FREM1: variants seen among roughly 807,000 people sequenced by gnomAD.
FREM1 encodes the protein FRAS1-related extracellular matrix protein 1.
FREM1 carries 220 observed loss-of-function variants against 210.1 expected under a neutral mutation model. The ratio of observed to expected loss-of-function variants is 1.05; its 90% CI spans 0.94 to 1.17. The LOEUF (loss-of-function observed/expected upper bound fraction) is 1.17, where lower values mean the gene tolerates loss of function less well. Among genes scored for constraint, FREM1 ranks in the 50% most tolerant of loss-of-function variants. FREM1 has a pLI of 0.00. For synonymous variants in FREM1, 1,189 were observed against 980.2 expected (o/e 1.21, Z -3.98); for missense variants, 3,454 against 2,675.5 (o/e 1.29, Z -6.42).
At chr9:14,775,311 T>G (rs1006028709) in intron 25 of FREM1, among the ~76,000 whole-genome samples, 12 of 152,192 alleles carry the variant, frequency 7.9e-5, no homozygotes, top group African/African-American at 2.9e-4. Flanking sequence ...GGTCAGTCAT[T>G]AGCACCTATG....
Position 14,851,479 on chromosome 9 carries a change from A to T in FREM1, c.957T>A (p.Val319=). 1 of 1,613,982 alleles carries T rather than the reference A, an allele frequency of 6.2e-7. No homozygotes were observed. Among genetic ancestry groups the T allele is most frequent in the Admixed American group, 1.7e-5 (1 of 60,024 alleles). The part of the protein sequence containing the change: ...QFILTSLTTS[V]LDCEEDETPK... ...GGGTCTCATCTTCTTCACAGTCCAGAACTGATGTAGTCAAGGAGGTCAGGA... is the reference window on the plus strand; with the variant it reads ...GGGTCTCATCTTCTTCACAGTCCAGTACTGATGTAGTCAAGGAGGTCAGGA... Residue 319 remains valine, a synonymous_variant, in exon 6 of 37, where the codon GTT becomes GTA. Coordinates refer to ENST00000380880, the MANE Select transcript of FREM1 (RefSeq NM_001379081.2).
intron 1 of FREM1, among the ~76,000 whole-genome samples, chr9:14,870,200 C>G (rs1158923690): frequency 6.6e-6 from 1 of 152,198 alleles, no homozygotes; most frequent in Non-Finnish European, 1.5e-5. Context: ...GAATGTTTGT[C>G]AGAAGGTTGT....
Position 14,846,064 on chromosome 9 carries a change from C to G in FREM1, c.1289G>C (p.Arg430Pro). The part of the protein sequence containing the change: ...TGLSLLEGQS[R>P]AITWEQFQVV... ...CTGAAACTGTTCCCAAGTGATGGCTCGAGACTGCCCCTCAAGGAGACTCAG... is the reference window on the plus strand; with the variant it reads ...CTGAAACTGTTCCCAAGTGATGGCTGGAGACTGCCCCTCAAGGAGACTCAG... Residue 430 changes from arginine (R) to proline (P), a missense_variant, in exon 8 of 37, where the codon CGA (arginine) becomes CCA (proline). Coordinates refer to ENST00000380880, the MANE Select transcript of FREM1 (RefSeq NM_001379081.2). The G allele has an allele frequency of 1.3e-6, 2 of 1,591,408 alleles. No individual in the cohort carries two copies. Among genetic ancestry groups the G allele is most frequent in the South Asian group, 1.1e-5 (1 of 87,924 alleles).
At chr9:14,790,479 A>G (rs910332035) in intron 22 of FREM1, among the ~76,000 whole-genome samples, 2 of 152,136 alleles carry the variant, frequency 1.3e-5, no homozygotes, top group East Asian at 1.9e-4. Flanking sequence ...TAAACGGGAA[A>G]GCCTGCAATT....
intron 14 of FREM1, among the ~76,000 whole-genome samples, chr9:14,818,721 G>C (rs1820752393): frequency 6.6e-6 from 1 of 152,192 alleles, no homozygotes; most frequent in Non-Finnish European, 1.5e-5. Flanking sequence ...GGAGACTCAA[G>C]TATTAGTTTA....
chr9:14,781,311 A>T (rs918664108), intron 24 of FREM1, among the ~76,000 whole-genome samples: 1 of 152,206 alleles, frequency 6.6e-6, no homozygotes, highest in Non-Finnish European at 1.5e-5. Flanking sequence ...TAGCTTTCCT[A>T]TGTGTAAATA....
intron 27 of FREM1, among the ~76,000 whole-genome samples, chr9:14,760,239 T>C (rs1269075332): frequency 2.0e-5 from 3 of 152,164 alleles, no homozygotes. Flanking sequence ...GAACCAGCAG[T>C]TGTTAAGTTC....
At chr9:14,831,658 T>C (rs1823577764) in intron 10 of FREM1, among the ~76,000 whole-genome samples, 1 of 152,274 alleles carries the variant, frequency 6.6e-6, no homozygotes, top group Non-Finnish European at 1.5e-5. Flanking sequence ...AATAGCAGGA[T>C]ACAGAGTTCA....
chr9:14,759,418 G>C (rs1045564341), intron 28 of FREM1, among the ~76,000 whole-genome samples: 8 of 150,560 alleles, frequency 5.3e-5, no homozygotes, highest in African/African-American at 1.5e-4. Flanking sequence ...CCTGAGGCAG[G>C]AGAATCACTT....
intron 10 of FREM1, among the ~76,000 whole-genome samples, chr9:14,835,776 T>A (rs1824455378): frequency 6.6e-6 from 1 of 152,238 alleles, no homozygotes; most frequent in South Asian, 2.1e-4. Flanking sequence ...ATGCAAATAA[T>A]CAGGCCAACT....
At chr9:14,762,141 C>A (rs772423145) in intron 27 of FREM1, among the ~76,000 whole-genome samples, 2 of 151,222 alleles carry the variant, frequency 1.3e-5, no homozygotes, top group East Asian at 3.9e-4. Context: ...ATCATAAATG[C>A]CAATAGAAAT....
chr9:14,792,945 C>CTTATATTG (rs1226249433), intron 21 of FREM1, 61 bp from the exon 22 acceptor site: 35 of 1,079,088 alleles, frequency 3.2e-5, no homozygotes, highest in Non-Finnish European at 4.5e-5. Context: ...TAGTAGGGGA[C>CTTATATTG]ACTTATATTG....
chr9:14,764,540 A>C (rs1846055227), intron 27 of FREM1, among the ~76,000 whole-genome samples: 1 of 152,190 alleles, frequency 6.6e-6, no homozygotes, highest in Non-Finnish European at 1.5e-5. Flanking sequence ...CTTAAAACAT[A>C]TGTATGCTAT....
chr9:14,806,921 G>C, intron 17 of FREM1, 75 bp from the exon 18 acceptor site: 1 of 864,844 alleles, frequency 1.2e-6, no homozygotes, highest in Admixed American at 3.2e-5. Flanking sequence ...AAAATGCAGT[G>C]ACTGAAATTC....
chr9:14,878,227 C>A (rs568982444), intron 1 of FREM1, among the ~76,000 whole-genome samples: 1 of 152,254 alleles, frequency 6.6e-6, no homozygotes, highest in African/African-American at 2.4e-5. Flanking sequence ...TCCCTCTTCT[C>A]TCTCTCAGCT....
intron 1 of FREM1, among the ~76,000 whole-genome samples, chr9:14,887,115 G>A (rs948580588): frequency 3.3e-5 from 5 of 152,080 alleles, no homozygotes; most frequent in African/African-American, 9.7e-5. Flanking sequence ...AAGGGGCAAT[G>A]AACTGGAAAT....
chr9:14,768,826 G>C (rs1846967931), intron 27 of FREM1, among the ~76,000 whole-genome samples: 1 of 152,186 alleles, frequency 6.6e-6, no homozygotes, highest in Non-Finnish European at 1.5e-5. Flanking sequence ...CATAAAAGGA[G>C]TATAACAGAG....
intron 15 of FREM1, among the ~76,000 whole-genome samples, chr9:14,814,704 C>G (rs574711535): frequency 5.8e-4 from 89 of 152,168 alleles, no homozygotes; most frequent in Non-Finnish European, 1.0e-3. Flanking sequence ...TGATGACCAT[C>G]TTGCAGCCGT....
rs1825697515 is a variant in FREM1, at chr9:14,841,542, T to C, written c.1786A>G (p.Ile596Val). 1 of 1,612,586 alleles carries C rather than the reference T, an allele frequency of 6.2e-7. No homozygotes were observed. Among genetic ancestry groups the C allele is most frequent in the Non-Finnish European group, 8.5e-7 (1 of 1,178,830 alleles). The change falls in exon 10 of 37, where the codon ATT (isoleucine) becomes GTT (valine). Residue 596 changes from isoleucine to valine, a missense_variant. Coordinates refer to ENST00000380880, the MANE Select transcript of FREM1 (RefSeq NM_001379081.2). ...FLQRDLFNGI[I>V]YYRHFGGEIF... is the part of the protein sequence containing the mutation. ...TCTCCACCAAAATGACGATAATAAA[T>C]GATTCCATTAAACAAATCCCTCTGA...
Sources: gnomAD v4.1 joint callset for allele counts (sites outside exome capture counted in the v4.1 genomes callset) on GRCh38, gnomAD v4.1.1 for gene constraint, MANE v1.5 for transcripts, NCBI Gene and HGNC (gene_info 2026-07-23, HGNC 2026-07-21) for gene names.